PARP6: variants seen among roughly 807,000 people sequenced by gnomAD.
The protein encoded by PARP6 is poly(ADP-ribose) polymerase family member 6.
Under a neutral mutation model 92.0 loss-of-function variants are expected in PARP6, and 27 were observed. The observed-to-expected ratio is 0.29, with a 90% confidence interval of 0.22 to 0.40. The LOEUF is 0.40. PARP6 is among the 10% of genes least tolerant of loss of function. The pLI, the probability that PARP6 is intolerant of heterozygous loss-of-function variation, is 1.00. For synonymous variants in PARP6, 272 were observed against 281.2 expected, an observed-to-expected ratio of 0.97 and a Z score of 0.33; for missense variants, 501 against 784.5, an observed-to-expected ratio of 0.64 and a Z score of 4.32.
At chr15:72,258,205 T>G in intron 11 of PARP6, 73 bp from the exon 12 acceptor site, 1 of 1,107,832 alleles carries the variant, frequency 9.0e-7, no homozygotes, top group Non-Finnish European at 1.4e-6. Context: ...TTTCAGCTTT[T>G]TTTTCCAACT....
chr15:72,250,794 C>A, intron 18 of PARP6, 51 bp downstream of exon 18: 1 of 903,132 alleles, frequency 1.1e-6, no homozygotes. Flanking sequence ...ATCCTTCTTG[C>A]TCATCCCCGC....
chr15:72,248,880 C>T (rs926627629), intron 20 of PARP6, among the ~76,000 whole-genome samples: 1 of 152,150 alleles, frequency 6.6e-6, no homozygotes, highest in African/African-American at 2.4e-5. Context: ...GCCTTCAGGC[C>T]TTCAGATGTT....
At chr15:72,262,172 C>T (rs368022012) in intron 8 of PARP6, among the ~76,000 whole-genome samples, 4 of 152,136 alleles carry the variant, frequency 2.6e-5, no homozygotes, top group African/African-American at 9.7e-5. Context: ...ATTTGAGCTG[C>T]GCCCTTAGCT....
chr15:72,247,529 T>G (rs1335391933), intron 20 of PARP6, among the ~76,000 whole-genome samples: 3 of 152,184 alleles, frequency 2.0e-5, no homozygotes, highest in Admixed American at 2.0e-4. Flanking sequence ...TGTAATTCCA[T>G]TTTTTCTATT....
At chr15:72,261,410 T>C (rs35694406) in intron 9 of PARP6, 148 bp downstream of exon 9, 28,825 of 697,862 alleles carry the variant, frequency 0.041, 740 homozygotes, top group African/African-American at 0.096. Context: ...TAAGGACACA[T>C]AGGGAACAGG....
At chr15:72,262,268 T>G (rs751619137) in intron 8 of PARP6, among the ~76,000 whole-genome samples, 2 of 152,212 alleles carry the variant, frequency 1.3e-5, no homozygotes, top group Non-Finnish European at 2.9e-5. Context: ...TTACCTTCTT[T>G]AAGTTACTAA....
At chr15:72,261,905 A>G (rs2085938150) in intron 8 of PARP6, among the ~76,000 whole-genome samples, 198 bp from the exon 9 acceptor site, 1 of 152,166 alleles carries the variant, frequency 6.6e-6, no homozygotes, top group Non-Finnish European at 1.5e-5. Flanking sequence ...TTCACCCTAG[A>G]GGGCACCTAG....
At chr15:72,255,972 A>AT (rs1225431818) in intron 14 of PARP6, among the ~76,000 whole-genome samples, 3 of 149,970 alleles carry the variant, frequency 2.0e-5, no homozygotes, top group Non-Finnish European at 4.5e-5. Context: ...AATTTTTTGT[A>AT]TTTTTTAGTA....
chr15:72,251,187 G>A lies in PARP6; in HGVS notation c.1308+20C>T, dbSNP rs1008763940. 3.8e-5 allele frequency: 59 copies of A among 1,534,080 alleles called. No homozygotes were observed. Among genetic ancestry groups the A allele is most frequent in the Non-Finnish European group, 5.2e-5 (58 of 1,106,966 alleles). On this transcript the variant is annotated intron_variant, in intron 17 of 23. Transcript: ENST00000569795. ...CCTCACCAGAAATTTAAAGCATTTAGAGGGAGAATGGTCACTTACCCTGCT... is the reference window on the plus strand; with the variant it reads ...CCTCACCAGAAATTTAAAGCATTTAAAGGGAGAATGGTCACTTACCCTGCT...
chr15:72,250,150 C>G lies in PARP6; in HGVS notation c.1419-58G>C, dbSNP rs562678157. On this transcript the variant is annotated intron_variant, in intron 18 of 23. Transcript: ENST00000569795. Reference sequence around the variant, plus strand: ...TGATATGAGGTTCCCAGGAACACTCCCAAGACTGCCATTCCCACCCATTCT... The same window carrying G: ...TGATATGAGGTTCCCAGGAACACTCGCAAGACTGCCATTCCCACCCATTCT... 3.8e-6 allele frequency: 4 copies of G among 1,064,352 alleles called. No homozygotes were observed. The Admixed American group carries it at 6.8e-5, about 18-fold the overall frequency. 65.9% of individuals were successfully genotyped at this position (1,064,352 alleles called of 1,614,324 possible).
At chr15:72,267,719 G>T (rs1462424601) in intron 2 of PARP6, 48 bp from the exon 3 acceptor site, 1 of 539,064 alleles carries the variant, frequency 1.9e-6, no homozygotes, top group African/African-American at 1.9e-5. Context: ...TAATAGCTGG[G>T]TGGTGTATAT....
chr15:72,255,054 A>C (rs1033878799), intron 14 of PARP6, among the ~76,000 whole-genome samples: 1 of 152,070 alleles, frequency 6.6e-6, no homozygotes, highest in Non-Finnish European at 1.5e-5. Context: ...CGATGACCTA[A>C]ATAGAACAAA....
intron 10 of PARP6, among the ~76,000 whole-genome samples, chr15:72,259,935 C>CT (rs561290275): frequency 4.9e-4 from 75 of 152,336 alleles, no homozygotes; most frequent in Middle Eastern, 3.4e-3. Flanking sequence ...TCATACATGA[C>CT]TTCTCCTTGA....
At position 72,257,396 on chromosome 15, in the gene PARP6, T is replaced by G; in HGVS notation, c.951A>C (p.Thr317=). Residue 317 remains threonine (T), a synonymous_variant, in exon 13 of 24, where the codon ACA becomes ACC. Transcript: ENST00000569795. The part of the protein sequence containing the change: ...TRELCVFSFY[T]LGVMSGAAEE... Reference sequence around the variant, plus strand: ...CTGCAGCTCCAGACATGACGCCCAGTGTGTAGAAGGAGAAAACGCATAGTT... The same window carrying G: ...CTGCAGCTCCAGACATGACGCCCAGGGTGTAGAAGGAGAAAACGCATAGTT... 1 of 1,613,928 alleles carries G rather than the reference T, an allele frequency of 6.2e-7. No individual in the cohort carries two copies. Among genetic ancestry groups the G allele is most frequent in the Non-Finnish European group, 8.5e-7 (1 of 1,179,952 alleles).
intron 17 of PARP6, 96 bp downstream of exon 17, chr15:72,251,111 T>A: frequency 1.0e-6 from 1 of 977,752 alleles, no homozygotes; most frequent in Non-Finnish European, 1.7e-6. Flanking sequence ...CAGAGCAATG[T>A]AGGCAGATCT....
At position 72,241,266 on chromosome 15, in the gene PARP6, G is replaced by C. The variant is rs1351457110; in HGVS notation, c.*189C>G. ...AAAGTCAGGGGATGGAGTCAGTCTG[G>C]GCCATCCGAATGTGGAGTAGTTCTT... On this transcript the variant is annotated 3_prime_UTR_variant, in exon 24 of 24. Coordinates refer to ENST00000569795, the MANE Select transcript of PARP6 (RefSeq NM_001323532.2). This position sits in a 1 kb window ranked among gnomAD's most constrained non-coding sequence, Gnocchi z 4.1. The C allele has an allele frequency of 2.9e-6, 2 of 689,386 alleles. No individual in the cohort carries two copies. The highest frequency in any genetic ancestry group is 3.0e-5 in the South Asian group (2 of 66,608). The allele number at this position is 689,386 out of a possible 1,614,324, so 42.7% of individuals were successfully genotyped here.
chr15:72,253,302 C>T (rs536645746), intron 16 of PARP6, 135 bp downstream of exon 16: 5 of 504,788 alleles, frequency 9.9e-6, no homozygotes, highest in African/African-American at 7.8e-5. Context: ...CAACAAACTC[C>T]AAGAAAAAGC....
At chr15:72,251,369 C>T (rs1325363259) in intron 16 of PARP6, 114 bp from the exon 17 acceptor site, 1 of 636,698 alleles carries the variant, frequency 1.6e-6, no homozygotes, top group Admixed American at 2.9e-5. Flanking sequence ...GATTCCTGGG[C>T]TGTCCAAATT....
chr15:72,252,260 T>C (rs1236640425), intron 16 of PARP6, among the ~76,000 whole-genome samples: 1 of 152,162 alleles, frequency 6.6e-6, no homozygotes, highest in African/African-American at 2.4e-5. Context: ...AAAGAAAACT[T>C]AGTTGAAATT....
Sources: gnomAD v4.1 joint callset for allele counts (sites outside exome capture counted in the v4.1 genomes callset) on GRCh38, gnomAD v4.1.1 for gene constraint, Gnocchi (gnomAD v3.1) non-coding constraint, MANE v1.5 for transcripts, NCBI Gene and HGNC (gene_info 2026-07-23, HGNC 2026-07-21) for gene names.